The following PDIA5 variants were observed in gnomAD, a reference collection of about 807,000 sequenced individuals.
PDIA5 encodes the protein protein disulfide isomerase family A member 5.
Under a neutral mutation model 77.6 loss-of-function variants are expected in PDIA5, and 58 were observed. The ratio of observed to expected loss-of-function variants is 0.75; its 90% confidence interval spans 0.61 to 0.93. The LOEUF is 0.93. Ranked by LOEUF, PDIA5 falls within the 40% of genes least tolerant of loss-of-function variation. PDIA5 has a pLI of 0.00. For missense variants in PDIA5, 630 were observed against 647.7 expected (o/e 0.97, Z 0.30); for synonymous variants, 250 against 252.1 (o/e 0.99, Z 0.08).
At chr3:123,108,595 T>A (rs1387013712) in intron 6 of PDIA5, among the ~76,000 whole-genome samples, 1 of 75,216 alleles carries the variant, frequency 1.3e-5, no homozygotes, top group Non-Finnish European at 2.6e-5. Context: ...GATGTCTTTT[T>A]AAAAAGCATG....
At chr3:123,115,802 T>C (rs1031676719) in intron 7 of PDIA5, among the ~76,000 whole-genome samples, 1 of 152,268 alleles carries the variant, frequency 6.6e-6, no homozygotes, top group African/African-American at 2.4e-5. Flanking sequence ...TTCTTCATAA[T>C]GGCATTTGAC....
chr3:123,151,807 TCCTGCCTG>T (rs1159882690), intron 14 of PDIA5, among the ~76,000 whole-genome samples: 34 of 119,134 alleles, frequency 2.9e-4, no homozygotes, highest in Non-Finnish European at 3.4e-4. Flanking sequence ...CTGCCTGCCT[TCCTGCCTG>T]CCTGCCTGCC....
At chr3:123,112,205 C>T (rs1477706139) in intron 7 of PDIA5, among the ~76,000 whole-genome samples, 1 of 152,210 alleles carries the variant, frequency 6.6e-6, no homozygotes, top group Non-Finnish European at 1.5e-5. Flanking sequence ...TGCATCGGCC[C>T]TTCACGAAGC....
chr3:123,099,573 C>T (rs577430528), intron 3 of PDIA5, among the ~76,000 whole-genome samples: 16 of 152,256 alleles, frequency 1.1e-4, no homozygotes, highest in African/African-American at 1.9e-4. Context: ...GCTCGTGGGG[C>T]GCTTGCTCAG....
At chr3:123,127,777 T>C (rs530429650) in intron 10 of PDIA5, among the ~76,000 whole-genome samples, 167 of 152,244 alleles carry the variant, frequency 1.1e-3, no homozygotes, top group Non-Finnish European at 1.8e-3. Flanking sequence ...TGCTCTCTTA[T>C]GTCCTTTCTC....
rs534477086 is a variant in PDIA5 at position 123,113,141 on chromosome 3, G to A, written c.541+2137G>A. 3.9e-5 allele frequency among the ~76,000 whole-genome samples: 6 copies of A among 152,346 alleles called. No homozygotes were observed. In the East Asian group the frequency reaches 7.7e-4, roughly 20 times the overall value. On this transcript the variant is annotated intron_variant, in intron 7 of 16. Coordinates refer to ENST00000316218, the MANE Select transcript of PDIA5 (RefSeq NM_006810.4). ...AATTATTCTGTCCACACAGCCCCTA[G>A]AGGATGGGCCTCCTTTGGTATATCT...
At chr3:123,120,086 G>C (rs1243697904) in intron 8 of PDIA5, among the ~76,000 whole-genome samples, 2 of 152,206 alleles carry the variant, frequency 1.3e-5, no homozygotes, top group Non-Finnish European at 2.9e-5. Flanking sequence ...GCAGCCATCA[G>C]AATGAGCCCT....
chr3:123,131,415 A>G (rs1033424731), intron 11 of PDIA5, among the ~76,000 whole-genome samples: 1 of 151,688 alleles, frequency 6.6e-6, no homozygotes, highest in Non-Finnish European at 1.5e-5. Flanking sequence ...GCGAGGCTCC[A>G]TCTCAAAAAA....
intron 1 of PDIA5, among the ~76,000 whole-genome samples, chr3:123,071,497 A>T (rs1470126444): frequency 6.6e-6 from 1 of 152,210 alleles, no homozygotes; most frequent in Non-Finnish European, 1.5e-5. Context: ...TATATTTAAT[A>T]GGCTTTTGTG....
rs575674841 is a variant in PDIA5 at position 123,079,513 on chromosome 3, A to G, written c.43-9655A>G. The stretch of plus-strand genomic sequence containing the variant: ...CGAAGTCTTTAAAAACACCATTTAA[A>G]TAAAATACCATCTAAATGGCTTATT... On this transcript the variant is annotated intron_variant, in intron 1 of 16. Coordinates refer to ENST00000316218, the MANE Select transcript of PDIA5 (RefSeq NM_006810.4). 8.5e-5 allele frequency among the ~76,000 whole-genome samples: 13 copies of G among 152,348 alleles called. No individual in the cohort carries two copies. The East Asian group carries it at 2.5e-3, about 29-fold the overall frequency.
chr3:123,144,285 C>G (rs1935708655), intron 11 of PDIA5, among the ~76,000 whole-genome samples: 1 of 152,170 alleles, frequency 6.6e-6, no homozygotes, highest in South Asian at 2.1e-4. Flanking sequence ...ATAGCGTTCT[C>G]AGCTCCCACA....
chr3:123,110,714 T>C (rs1431374231), intron 6 of PDIA5, among the ~76,000 whole-genome samples: 2 of 152,162 alleles, frequency 1.3e-5, no homozygotes, highest in Non-Finnish European at 2.9e-5. Context: ...CTGTAATACG[T>C]GAGGGTGGTC....
chr3:123,152,826 T>A (rs540713925), intron 14 of PDIA5, among the ~76,000 whole-genome samples: 1 of 152,304 alleles, frequency 6.6e-6, no homozygotes, highest in East Asian at 1.9e-4. Context: ...CGCTGAATGG[T>A]CTGGTCATGG....
intron 3 of PDIA5, among the ~76,000 whole-genome samples, chr3:123,097,404 G>A (rs1436100124): frequency 2.0e-5 from 3 of 152,028 alleles, no homozygotes; most frequent in African/African-American, 4.8e-5. Flanking sequence ...TCTTTTTCCC[G>A]CCACTCTTAC....
At chr3:123,075,181 G>A (rs1034674783) in intron 1 of PDIA5, among the ~76,000 whole-genome samples, 1 of 152,190 alleles carries the variant, frequency 6.6e-6, no homozygotes, top group Non-Finnish European at 1.5e-5. Flanking sequence ...CTATTTGTAT[G>A]AGAATTAGGC....
chr3:123,119,651 G>A (rs1048801232), intron 8 of PDIA5, among the ~76,000 whole-genome samples: 3 of 152,200 alleles, frequency 2.0e-5, no homozygotes, highest in African/African-American at 4.8e-5. Context: ...CCTGGCTGGA[G>A]GGGTTGAGTG....
intron 14 of PDIA5, among the ~76,000 whole-genome samples, chr3:123,153,957 G>A (rs1189246346): frequency 6.6e-6 from 1 of 152,200 alleles, no homozygotes; most frequent in Non-Finnish European, 1.5e-5. Context: ...CCCTTGCTCA[G>A]GGAAACCCTC....
At chr3:123,150,708 C>T (rs906164517) in intron 14 of PDIA5, among the ~76,000 whole-genome samples, 12 of 152,032 alleles carry the variant, frequency 7.9e-5, no homozygotes, top group Non-Finnish European at 1.3e-4. Context: ...TCCCCGCCCC[C>T]TCTTCCTTCT....
In PDIA5 at chr3:123,067,085, C is replaced by A; in HGVS notation, c.-80C>A. The A allele has an allele frequency of 8.6e-7, 1 of 1,159,750 alleles. No individual in the cohort carries two copies. Among genetic ancestry groups the A allele is most frequent in the Non-Finnish European group, 1.1e-6 (1 of 919,952 alleles). 71.8% of individuals were successfully genotyped at this position (1,159,750 alleles called of 1,614,324 possible). On this transcript the variant is annotated 5_prime_UTR_variant, in exon 1 of 17. Coordinates refer to ENST00000316218, the MANE Select transcript of PDIA5 (RefSeq NM_006810.4). ...CTGGGAAGTGGCCGTGGTGGTTGGC[C>A]GCGGTGGAGCTAGCAGGCGGGCGGG...
Sources: gnomAD v4.1 joint callset for allele counts (sites outside exome capture counted in the v4.1 genomes callset) on GRCh38, gnomAD v4.1.1 for gene constraint, MANE v1.5 for transcripts, NCBI Gene and HGNC (gene_info 2026-07-23, HGNC 2026-07-21) for gene names.